The following CAPZA1 variants were observed in gnomAD, a reference collection of about 807,000 sequenced individuals.
CAPZA1 encodes the protein capping actin protein of muscle Z-line subunit alpha 1.
In CAPZA1, 10 loss-of-function variants were observed where a neutral mutation model predicts 40.8. The ratio of observed to expected loss-of-function variants is 0.25; its 90% CI spans 0.15 to 0.42. The LOEUF is 0.42. Ranked by LOEUF, CAPZA1 falls within the 10% of genes least tolerant of loss-of-function variation. The probability of loss-of-function intolerance (pLI) is 1.00; values close to 1 mark genes in which losing one functional copy is unlikely to be tolerated. For missense variants in CAPZA1, 277 were observed against 353.8 expected, an observed-to-expected ratio of 0.78 and a Z score of 1.74; for synonymous variants, 98 against 115.0, an observed-to-expected ratio of 0.85 and a Z score of 0.95.
intron 7 of CAPZA1, among the ~76,000 whole-genome samples, chr1:112,666,254 A>C (rs1671723443): frequency 6.6e-6 from 1 of 152,192 alleles, no homozygotes; most frequent in Non-Finnish European, 1.5e-5. Flanking sequence ...GTTATACTCC[A>C]TTCTGTTATA....
rs191341135 is a variant in CAPZA1 at position 112,627,183 on chromosome 1, C to G, written c.39+7300C>G. On this transcript the variant is annotated intron_variant, in intron 1 of 9. Coordinates refer to ENST00000263168, the MANE Select transcript of CAPZA1 (RefSeq NM_006135.3). ...ACAATGCTGTTGTCTGCTGTCAGAG[C>G]CTATGCTCTTACCCATTTTGATTCC... Among the ~76,000 whole-genome samples, 10 of 152,250 alleles carry G rather than the reference C, an allele frequency of 6.6e-5. No individual in the cohort carries two copies. The East Asian group carries it at 1.7e-3, about 26-fold the overall frequency.
intron 5 of CAPZA1, among the ~76,000 whole-genome samples, chr1:112,655,507 AT>A (rs1342707137): frequency 6.6e-6 from 1 of 151,274 alleles, no homozygotes; most frequent in Non-Finnish European, 1.5e-5. Flanking sequence ...AAACCAAACA[AT>A]TTTTTTTTAA....
intron 1 of CAPZA1, among the ~76,000 whole-genome samples, chr1:112,630,104 G>T (rs906260612): frequency 6.6e-6 from 1 of 152,006 alleles, no homozygotes; most frequent in Non-Finnish European, 1.5e-5. Context: ...GTTCAGTGGT[G>T]GGATCTTGGC....
rs1352796745 is a variant in CAPZA1 at position 112,654,455 on chromosome 1, T to C, written c.220-10T>C. On this transcript the variant is annotated splice_polypyrimidine_tract_variant and intron_variant, in intron 4 of 9. Transcript: ENST00000263168. ...TACAGTTACTCATATGTTTAATGAT[T>C]CTTTGGAAGGTCTTAATTACAGAGC... 4 of 1,585,116 alleles carry C rather than the reference T, an allele frequency of 2.5e-6. No individual in the cohort carries two copies. Among genetic ancestry groups the C allele is most frequent in the Non-Finnish European group, 3.5e-6 (4 of 1,158,792 alleles).
intron 1 of CAPZA1, 109 bp downstream of exon 1, chr1:112,619,992 T>A (rs940391858): frequency 2.3e-6 from 2 of 881,250 alleles, no homozygotes; most frequent in Non-Finnish European, 3.6e-6. Context: ...AGCTTCTTGG[T>A]CCATGCTGAC....
At chr1:112,656,466 T>TTTTA (rs1553180448) in intron 5 of CAPZA1, among the ~76,000 whole-genome samples, 2 of 94,410 alleles carry the variant, frequency 2.1e-5, no homozygotes, top group African/African-American at 8.0e-5. Context: ...TTTTTTTTTT[T>TTTTA]AATGAGAATA....
chr1:112,670,879 C>G lies in CAPZA1; in HGVS notation c.*747C>G, dbSNP rs1264725113. 6.6e-6 allele frequency: 1 copy of G among 152,586 alleles called. No individual in the cohort carries two copies. Among genetic ancestry groups the G allele is most frequent in the Non-Finnish European group, 1.5e-5 (1 of 68,032 alleles). 9.5% of individuals were successfully genotyped at this position (152,586 alleles called of 1,614,324 possible). A position where few individuals can be genotyped will look rare whatever the true frequency, so the allele number is the denominator to read the frequency against. Reference sequence around the variant, plus strand: ...CTGCATTTTTTAGAAGCATTTTACCCATTTATTTTTTTAAACATTCAAGAA... The same window carrying G: ...CTGCATTTTTTAGAAGCATTTTACCGATTTATTTTTTTAAACATTCAAGAA... On this transcript the variant is annotated 3_prime_UTR_variant, in exon 10 of 10. Coordinates refer to ENST00000263168, the MANE Select transcript of CAPZA1 (RefSeq NM_006135.3).
At position 112,670,283 on chromosome 1, in the gene CAPZA1, A is replaced by G; in HGVS notation, c.*151A>G. ...AGCCTCATGGAATACTGTTGAACCT[A>G]TAGCGTTGTCTTGATTCTTTTGTGT... On this transcript the variant is annotated 3_prime_UTR_variant, in exon 10 of 10. Transcript: ENST00000263168. The G allele has an allele frequency of 1.4e-6, 1 of 736,246 alleles. No homozygotes were observed. Among genetic ancestry groups the G allele is most frequent in the Non-Finnish European group, 2.2e-6 (1 of 458,720 alleles). The allele number at this position is 736,246 out of a possible 1,614,324, so 45.6% of individuals were successfully genotyped here.
At chr1:112,669,646 T>TA (rs1671792838) in intron 9 of CAPZA1, 41 bp downstream of exon 9, 2 of 1,366,452 alleles carry the variant, frequency 1.5e-6, no homozygotes, top group Non-Finnish European at 2.1e-6. Flanking sequence ...TCTACTATCT[T>TA]ATTATTTCGC....
Position 112,654,502 on chromosome 1 carries a change from G to C in CAPZA1, c.257G>C (p.Arg86Thr), listed in dbSNP as rs1179465366. Reference protein sequence around the residue: ...ITEHGDLGNSRFLDPRNKISF... With the variant: ...ITEHGDLGNSTFLDPRNKISF... ...GAGCACGGTGACCTGGGTAATAGCA[G>C]ATTTTTAGATCCAAGAAACAAAATT... Residue 86 changes from arginine (R) to threonine (T), a missense_variant, in exon 5 of 10, where the codon AGA (arginine) becomes ACA (threonine). Around this residue, in one of 2 missense-constraint regions of CAPZA1, gnomAD observed 192 missense variants for 277.2 expected, o/e 0.69. Transcript: ENST00000263168. 2 of 1,613,886 alleles carry C rather than the reference G, an allele frequency of 1.2e-6. No homozygotes were observed. The highest frequency in any genetic ancestry group is 2.2e-5 in the South Asian group (2 of 91,080).
At chr1:112,647,392 A>C in intron 2 of CAPZA1, 119 bp downstream of exon 2, 1 of 523,050 alleles carries the variant, frequency 1.9e-6, no homozygotes, top group South Asian at 5.9e-5. Context: ...AGATTCAAAA[A>C]AATTGAAATA....
Position 112,649,361 on chromosome 1 carries a change from T to C in CAPZA1, c.104-57T>C, listed in dbSNP as rs920530909. On this transcript the variant is annotated intron_variant, in intron 2 of 9. Coordinates refer to ENST00000263168, the MANE Select transcript of CAPZA1 (RefSeq NM_006135.3). ...CATTTAAAAATTCAATCTAGAAATCTGCTAAAATTTCTCAAATTTATCCTC... is the reference window on the plus strand; with the variant it reads ...CATTTAAAAATTCAATCTAGAAATCCGCTAAAATTTCTCAAATTTATCCTC... 8.4e-6 allele frequency: 11 copies of C among 1,302,784 alleles called. 2 individuals carry two copies. In the South Asian group the frequency reaches 1.2e-4, roughly 14 times the overall value. 80.7% of individuals were successfully genotyped at this position (1,302,784 alleles called of 1,614,324 possible).
chr1:112,668,114 G>A (rs1320188165), intron 8 of CAPZA1, among the ~76,000 whole-genome samples: 1 of 151,792 alleles, frequency 6.6e-6, no homozygotes, highest in African/African-American at 2.4e-5. Flanking sequence ...GTGAAACCCT[G>A]TCTCTACAAA....
chr1:112,624,535 G>C (rs1438797925), intron 1 of CAPZA1, among the ~76,000 whole-genome samples: 1 of 147,420 alleles, frequency 6.8e-6, no homozygotes, highest in Non-Finnish European at 1.5e-5. Context: ...TTGAACCCAG[G>C]AGGCGGAGGT....
At chr1:112,647,320 ATTGAGTAC>A in intron 2 of CAPZA1, 47 bp downstream of exon 2, 1 of 947,294 alleles carries the variant, frequency 1.1e-6, no homozygotes, top group Non-Finnish European at 1.5e-6. Flanking sequence ...ACCATTATTT[ATTGAGTAC>A]TTGCTGTCTG....
intron 1 of CAPZA1, among the ~76,000 whole-genome samples, chr1:112,632,396 G>C (rs376201941): frequency 6.6e-6 from 1 of 152,188 alleles, no homozygotes; most frequent in African/African-American, 2.4e-5. Context: ...CCAATAAGCA[G>C]AGTTGGGGAG....
Position 112,667,067 on chromosome 1 carries a change from C to T in CAPZA1, c.586-7C>T. 1 of 1,605,622 alleles carries T rather than the reference C, an allele frequency of 6.2e-7. No individual in the cohort carries two copies. The highest frequency in any genetic ancestry group is 1.1e-5 in the South Asian group (1 of 89,746). ...CCCTAAAAAGGCTCAAACATTGTCT[C>T]ACACAGGTTCACTATTATGAAGATG... On this transcript the variant is annotated splice_polypyrimidine_tract_variant and splice_region_variant and intron_variant, in intron 7 of 9. Coordinates refer to ENST00000263168, the MANE Select transcript of CAPZA1 (RefSeq NM_006135.3).
At chr1:112,653,959 T>C (rs1671449901) in intron 4 of CAPZA1, among the ~76,000 whole-genome samples, 1 of 152,206 alleles carries the variant, frequency 6.6e-6, no homozygotes, top group Non-Finnish European at 1.5e-5. Flanking sequence ...TTATATTTAA[T>C]GGAAAAACAG....
chr1:112,671,399 A>G lies in CAPZA1; in HGVS notation c.*1267A>G, dbSNP rs190014254. 8 of 152,800 alleles carry G rather than the reference A, an allele frequency of 5.2e-5. No individual in the cohort carries two copies. In the East Asian group the frequency reaches 1.3e-3, roughly 26 times the overall value. The allele number at this position is 152,800 out of a possible 1,614,324, so 9.5% of individuals were successfully genotyped here. ...AGTGTCTTCCTACCTATCTCCAGATACATGTCAAAAAAAGAAAGGTGTTTG... is the reference window on the plus strand; with the variant it reads ...AGTGTCTTCCTACCTATCTCCAGATGCATGTCAAAAAAAGAAAGGTGTTTG... On this transcript the variant is annotated 3_prime_UTR_variant, in exon 10 of 10. Transcript: ENST00000263168.
Sources: allele counts gnomAD v4.1 joint callset (sites outside exome capture counted in the v4.1 genomes callset), GRCh38; gene constraint gnomAD v4.1.1; regional missense constraint gnomAD v4.1.1; transcripts MANE v1.5; gene names NCBI Gene and HGNC (gene_info 2026-07-23, HGNC 2026-07-21).